Variants in GMDS observed in about 807,000 individuals in gnomAD.
The protein encoded by GMDS is GDP-mannose 4,6-dehydratase, also known as GDP-mannose 4,6 dehydratase.
In GMDS, 20 loss-of-function variants were observed where a neutral mutation model predicts 49.9. The ratio of observed to expected loss-of-function variants is 0.40; its 90% CI spans 0.28 to 0.58. GMDS has a LOEUF of 0.58. Among genes scored for constraint, GMDS ranks in the 20% least tolerant of loss-of-function variants. GMDS has a pLI of 0.42. For missense variants in GMDS, 362 were observed against 481.4 expected (o/e 0.75, Z 2.32); for synonymous variants, 177 against 178.6 (o/e 0.99, Z 0.07).
At position 1,887,433 on chromosome 6, in the gene GMDS, C is replaced by T. The variant is rs368939118; in HGVS notation, c.771+42670G>A. On this transcript the variant is annotated intron_variant, in intron 7 of 10. Coordinates refer to ENST00000380815, the MANE Select transcript of GMDS (RefSeq NM_001500.4). ...AAGTAAAAAAACCCCAAATTTACAC[C>T]GAACATATTTATGTTCGGCTACCTC... 9.2e-5 allele frequency among the ~76,000 whole-genome samples: 14 copies of T among 151,486 alleles called. No individual in the cohort carries two copies. In the East Asian group the frequency reaches 9.7e-4, roughly 10 times the overall value.
chr6:1,770,418 G>A (rs374029686), intron 7 of GMDS, among the ~76,000 whole-genome samples: 4 of 152,222 alleles, frequency 2.6e-5, no homozygotes, highest in African/African-American at 4.8e-5. Flanking sequence ...AGGAACTATC[G>A]AATCTTGTTG....
chr6:2,244,062 A>T (rs1298313317), intron 1 of GMDS, among the ~76,000 whole-genome samples: 1 of 151,744 alleles, frequency 6.6e-6, no homozygotes, highest in African/African-American at 2.4e-5. Flanking sequence ...ACAACGTCTC[A>T]ATATGTTGCC....
chr6:2,016,080 AAT>A (rs1288812626), intron 4 of GMDS, among the ~76,000 whole-genome samples: 6 of 95,634 alleles, frequency 6.3e-5, no homozygotes, highest in Middle Eastern at 5.7e-3. Flanking sequence ...AAAAAAAAAA[AAT>A]AAATTAAAAA....
At chr6:2,190,281 C>T (rs1449786086) in intron 1 of GMDS, among the ~76,000 whole-genome samples, 2 of 152,150 alleles carry the variant, frequency 1.3e-5, no homozygotes, top group East Asian at 3.8e-4. Flanking sequence ...AACCCTAACC[C>T]CATTTTGATT....
At chr6:1,791,551 C>T (rs1055188839) in intron 7 of GMDS, among the ~76,000 whole-genome samples, 11 of 152,152 alleles carry the variant, frequency 7.2e-5, no homozygotes, top group Admixed American at 2.0e-4. Context: ...AATACGATCA[C>T]ATTAGGAGTT....
rs139588127 is a variant in GMDS at position 1,748,074 on chromosome 6, G to A, written c.772-5488C>T. Reference sequence around the variant, plus strand: ...AACACCATATGTACTGAAAGAAAGAGGCAATGTCAAAATTTGTTTTGCCCT... The same window carrying A: ...AACACCATATGTACTGAAAGAAAGAAGCAATGTCAAAATTTGTTTTGCCCT... On this transcript the variant is annotated intron_variant, in intron 7 of 10. Transcript: ENST00000380815. Among the ~76,000 whole-genome samples the A allele has an allele frequency of 8.5e-5, 13 of 152,298 alleles. No individual in the cohort carries two copies. In the East Asian group the frequency reaches 1.3e-3, roughly 16 times the overall value.
At chr6:2,098,439 TATCATAG>T (rs1773736006) in intron 4 of GMDS, among the ~76,000 whole-genome samples, 1 of 152,256 alleles carries the variant, frequency 6.6e-6, no homozygotes, top group East Asian at 1.9e-4. Context: ...TATTTTTAGC[TATCATAG>T]ATTAACAAGG....
chr6:1,665,253 G>A (rs1441741383), intron 9 of GMDS, among the ~76,000 whole-genome samples: 1 of 152,014 alleles, frequency 6.6e-6, no homozygotes, highest in East Asian at 1.9e-4. Context: ...CCCCCCTCCT[G>A]GCTTATACTT....
At chr6:1,880,330 C>T (rs1257499642) in intron 7 of GMDS, among the ~76,000 whole-genome samples, 3 of 147,366 alleles carry the variant, frequency 2.0e-5, no homozygotes, top group African/African-American at 5.0e-5. Context: ...TGGTGGTGCA[C>T]GTTTGTTGCC....
At chr6:1,748,774 T>C (rs1767612391) in intron 7 of GMDS, among the ~76,000 whole-genome samples, 1 of 152,280 alleles carries the variant, frequency 6.6e-6, no homozygotes, top group African/African-American at 2.4e-5. Context: ...ACCTTTGCTT[T>C]CAGCAAACTT....
intron 4 of GMDS, among the ~76,000 whole-genome samples, chr6:2,025,357 G>GGTGTGTGTGTGT (rs200096039): frequency 1.5e-5 from 2 of 136,576 alleles, no homozygotes; most frequent in African/African-American, 5.5e-5. Context: ...CTGATGGTGG[G>GGTGTGTGTGTGT]GTGTGTGTGT....
chr6:1,824,457 G>A (rs534627611), intron 7 of GMDS, among the ~76,000 whole-genome samples: 15 of 152,098 alleles, frequency 9.9e-5, no homozygotes, highest in South Asian at 4.2e-4. Context: ...CCCTGAATAC[G>A]TCCACACTTT....
intron 6 of GMDS, among the ~76,000 whole-genome samples, chr6:1,953,163 C>A (rs1243301108): frequency 6.6e-6 from 1 of 152,196 alleles, no homozygotes; most frequent in Admixed American, 6.5e-5. Flanking sequence ...GCCGGCAGCA[C>A]AGAACAACTT....
At chr6:1,964,821 C>T (rs1748246729) in intron 4 of GMDS, among the ~76,000 whole-genome samples, 2 of 152,072 alleles carry the variant, frequency 1.3e-5, no homozygotes, top group African/African-American at 4.8e-5. Flanking sequence ...AAAGCTATCC[C>T]TCCCCCTACC....
In GMDS at chr6:2,198,129, T is replaced by C. The variant is rs559471221; in HGVS notation, c.102+47192A>G. ...GAAATTTACTAAAATAAGCAGCCAC[T>C]GGAAGGGAGCCTGAGACCAGGACCA... is the stretch of plus-strand genomic sequence containing the variant. On this transcript the variant is annotated intron_variant, in intron 1 of 10. Transcript: ENST00000380815. 2.6e-4 allele frequency among the ~76,000 whole-genome samples: 40 copies of C among 152,316 alleles called. 2 individuals are homozygous for C. The South Asian group carries it at 7.5e-3, about 28-fold the overall frequency.
intron 9 of GMDS, among the ~76,000 whole-genome samples, chr6:1,703,074 C>T (rs910438402): frequency 7.2e-5 from 11 of 152,128 alleles, no homozygotes; most frequent in South Asian, 6.2e-4. Context: ...GGAAGGAAGC[C>T]GAGATCTTTC....
At chr6:1,812,322 G>A (rs367951376) in intron 7 of GMDS, among the ~76,000 whole-genome samples, 1 of 152,306 alleles carries the variant, frequency 6.6e-6, no homozygotes, top group South Asian at 2.1e-4. Context: ...GATGTGAAGA[G>A]AGCGTGAGAA....
intron 4 of GMDS, among the ~76,000 whole-genome samples, chr6:1,968,373 T>C (rs898167982): frequency 3.9e-5 from 6 of 152,194 alleles, no homozygotes; most frequent in Non-Finnish European, 5.9e-5. Flanking sequence ...AACTGAATCC[T>C]TGAGGTCAGA....
intron 7 of GMDS, among the ~76,000 whole-genome samples, chr6:1,839,446 T>C (rs1259775703): frequency 6.6e-6 from 1 of 152,220 alleles, no homozygotes; most frequent in Non-Finnish European, 1.5e-5. Context: ...GTCAAATTTA[T>C]TTCCCTTTGG....
Sources: allele counts gnomAD v4.1 joint callset (sites outside exome capture counted in the v4.1 genomes callset), GRCh38; gene constraint gnomAD v4.1.1; transcripts MANE v1.5; gene names NCBI Gene and HGNC (gene_info 2026-07-23, HGNC 2026-07-21).